ANK2: variants seen among roughly 807,000 people sequenced by gnomAD.
ANK2 encodes the protein ankyrin-2.
A neutral mutation model predicts 360.5 loss-of-function variants in ANK2; 83 were observed. That is an observed-to-expected ratio of 0.23 (90% confidence interval 0.19 to 0.28). The LOEUF (loss-of-function observed/expected upper bound fraction) is 0.28. ANK2 is among the 10% of genes least tolerant of loss of function. The pLI is 1.00. For missense variants in ANK2, 4,201 were observed against 4,795.7 expected (o/e 0.88, Z 3.66); for synonymous variants, 1,740 against 1,759.5 (o/e 0.99, Z 0.28).
the ANK2 span, among the ~76,000 whole-genome samples, chr4:112,734,841 G>A: frequency 6.6e-6 from 1 of 152,120 alleles, no homozygotes; most frequent in African/African-American, 2.4e-5. Context: ...TATTTTGTTG[G>A]TGTGTGTAGG....
intron 1 of ANK2, among the ~76,000 whole-genome samples, chr4:113,172,919 T>C (rs1325129151): frequency 7.9e-5 from 12 of 152,192 alleles, no homozygotes; most frequent in Admixed American, 7.9e-4. Context: ...TTTCATAGAA[T>C]AGGCATTTAA....
intron 4 of ANK2, among the ~76,000 whole-genome samples, chr4:113,215,996 A>T (rs17445326): frequency 0.037 from 5,675 of 152,270 alleles, 128 homozygotes; most frequent in East Asian, 0.067. Context: ...AAGGCTGAAA[A>T]TAAAGGATTA....
chr4:113,278,350 A>G (rs2061013852), intron 16 of ANK2, 110 bp from the exon 17 acceptor site: 1 of 872,716 alleles, frequency 1.1e-6, no homozygotes, highest in Non-Finnish European at 1.9e-6. Flanking sequence ...TATTGACTAT[A>G]TTAATTCATT....
At chr4:113,194,389 G>T (rs2098718003) in intron 2 of ANK2, among the ~76,000 whole-genome samples, 2 of 152,118 alleles carry the variant, frequency 1.3e-5, no homozygotes, top group South Asian at 4.1e-4. Context: ...TCTACCTGGG[G>T]TCATCCACTA....
Position 113,161,830 on chromosome 4 carries a change from C to T in ANK2, c.85-12586C>T, listed in dbSNP as rs543609627. On this transcript the variant is annotated intron_variant, in intron 1 of 45. Coordinates refer to ENST00000357077, the MANE Select transcript of ANK2 (RefSeq NM_001148.6). ...GGTCAGCATTATTCCCTTCCAGGGGCATTACAAGAGGCCCTTCCTTATTCC... is the reference window on the plus strand; with the variant it reads ...GGTCAGCATTATTCCCTTCCAGGGGTATTACAAGAGGCCCTTCCTTATTCC... Among the ~76,000 whole-genome samples, 31 of 152,116 alleles carry T rather than the reference C, an allele frequency of 2.0e-4. No homozygotes were observed. The South Asian group carries it at 6.2e-3, about 31-fold the overall frequency.
intron 2 of ANK2, among the ~76,000 whole-genome samples, chr4:112,939,724 T>G (rs886458149): frequency 6.6e-6 from 1 of 152,176 alleles, no homozygotes; most frequent in African/African-American, 2.4e-5. Flanking sequence ...CCTCCTTATA[T>G]CTGTCTTCCA....
intron 14 of ANK2, among the ~76,000 whole-genome samples, chr4:113,271,874 C>T (rs2058667311): frequency 6.6e-6 from 1 of 152,196 alleles, no homozygotes; most frequent in Non-Finnish European, 1.5e-5. Flanking sequence ...GCACCCAGGT[C>T]CTGCTCGCAG....
chr4:112,898,980 C>G (rs1297216729), intron 1 of ANK2, among the ~76,000 whole-genome samples: 1 of 152,072 alleles, frequency 6.6e-6, no homozygotes, highest in African/African-American at 2.4e-5. Flanking sequence ...GAAATGACCA[C>G]CGAGGAGGGT....
chr4:112,800,415 G>A, the ANK2 span, among the ~76,000 whole-genome samples: 1 of 152,160 alleles, frequency 6.6e-6, no homozygotes, highest in Non-Finnish European at 1.5e-5. Context: ...ATGTGTGTGT[G>A]TATGATATAT....
At chr4:112,715,101 A>T in the ANK2 span, among the ~76,000 whole-genome samples, 1 of 152,216 alleles carries the variant, frequency 6.6e-6, no homozygotes, top group Admixed American at 6.5e-5. Context: ...TAATCATCTA[A>T]GATTTGCTCA....
chr4:112,883,092 G>C (rs568067296), intron 1 of ANK2, among the ~76,000 whole-genome samples: 1 of 128,290 alleles, frequency 7.8e-6, no homozygotes, highest in Non-Finnish European at 1.6e-5. Context: ...AGGCTGGAGT[G>C]CAGTGGTGCG....
Position 113,357,344 on chromosome 4 carries a change from C to T in ANK2, c.8726C>T (p.Pro2909Leu). ...TQTDRFSMDVPVSDLAENDEI... is the reference protein window; with the variant it reads ...TQTDRFSMDVLVSDLAENDEI... ...ACAGATAGATTTTCCATGGATGTTC[C>T]CGTGTCTGACCTAGCTGAGAATGAT... The change falls in exon 38 of 46, where the codon CCC becomes CTC. Residue 2909 changes from proline (P) to leucine (L), a missense_variant. By Grantham distance (98) the Pro-to-Leu change is moderately conservative (BLOSUM62 -3). Around this residue, in one of 4 missense-constraint regions of ANK2, gnomAD observed 2,642 missense variants for 2,714.5 expected, o/e 0.97. Coordinates refer to ENST00000357077, the MANE Select transcript of ANK2 (RefSeq NM_001148.6). 6.2e-7 allele frequency: 1 copy of T among 1,614,052 alleles called. No homozygotes were observed. Among genetic ancestry groups the T allele is most frequent in the Non-Finnish European group, 8.5e-7 (1 of 1,179,968 alleles).
At chr4:112,757,184 C>T in the ANK2 span, among the ~76,000 whole-genome samples, 2 of 148,656 alleles carry the variant, frequency 1.3e-5, no homozygotes, top group Admixed American at 1.4e-4. Context: ...GCAATCTCGG[C>T]TCACTGCAAC....
At chr4:113,035,904 A>T (rs1006720010) in intron 2 of ANK2, among the ~76,000 whole-genome samples, 5 of 151,914 alleles carry the variant, frequency 3.3e-5, no homozygotes, top group Non-Finnish European at 5.9e-5. Flanking sequence ...AGATTTTAAA[A>T]TTTTCTGTCC....
chr4:113,134,650 A>G (rs11731598), intron 1 of ANK2, among the ~76,000 whole-genome samples: 95,973 of 151,870 alleles, frequency 0.63, 30,560 homozygotes, highest in East Asian at 0.67. Flanking sequence ...AAAATAGAAA[A>G]GGCATATTTC....
At chr4:113,138,666 A>G (rs2096532244) in intron 1 of ANK2, among the ~76,000 whole-genome samples, 2 of 152,114 alleles carry the variant, frequency 1.3e-5, no homozygotes, top group African/African-American at 4.8e-5. Flanking sequence ...TTTGAAATCA[A>G]TAGATTAAAA....
intron 2 of ANK2, among the ~76,000 whole-genome samples, chr4:112,923,175 T>G (rs374383275): frequency 2.6e-5 from 4 of 152,186 alleles, no homozygotes; most frequent in East Asian, 3.8e-4. Context: ...ACTCAACACA[T>G]AGCACTAAAC....
chr4:113,024,843 A>C (rs987472502), intron 2 of ANK2, among the ~76,000 whole-genome samples: 1 of 152,188 alleles, frequency 6.6e-6, no homozygotes, highest in Non-Finnish European at 1.5e-5. Context: ...TGAAAAGTAG[A>C]ATGTTTTATT....
intron 2 of ANK2, among the ~76,000 whole-genome samples, chr4:113,006,514 G>C (rs2052923780): frequency 6.6e-6 from 1 of 152,036 alleles, no homozygotes. Flanking sequence ...AAGAAGTCTT[G>C]GTAATAATTT....
Sources: gnomAD v4.1 joint callset for allele counts (sites outside exome capture counted in the v4.1 genomes callset) on GRCh38, gnomAD v4.1.1 for gene constraint, gnomAD v4.1.1 regional missense constraint, MANE v1.5 for transcripts, NCBI Gene and HGNC (gene_info 2026-07-23, HGNC 2026-07-21) for gene names.